CASK: variants seen among roughly 807,000 people sequenced by gnomAD.
The protein encoded by CASK is peripheral plasma membrane protein CASK.
Under a neutral mutation model 82.9 loss-of-function variants are expected in CASK, and 4 were observed. The ratio of observed to expected loss-of-function variants is 0.05; its 90% CI spans 0.02 to 0.11. The LOEUF (loss-of-function observed/expected upper bound fraction) is 0.11, where lower values mean the gene tolerates loss of function less well. Among genes scored for constraint, CASK ranks in the 10% least tolerant of loss-of-function variants. The pLI is 1.00. For synonymous variants in CASK, 259 were observed against 253.5 expected, an observed-to-expected ratio of 1.02 and a Z score of -0.20; for missense variants, 358 against 720.9, an observed-to-expected ratio of 0.50 and a Z score of 5.76.
At chrX:41,830,686 G>A (rs890648872) in intron 2 of CASK, among the ~76,000 whole-genome samples, 2 of 107,957 alleles carry the variant, frequency 1.9e-5, no homozygotes, top group East Asian at 2.9e-4. Flanking sequence ...CGGGCGTGGT[G>A]GCGGGTGCCT....
At chrX:41,725,360 G>C (rs1429649460) in intron 5 of CASK, among the ~76,000 whole-genome samples, 1 of 111,392 alleles carries the variant, frequency 9.0e-6, no homozygotes, top group African/African-American at 3.3e-5. Context: ...TCTGAAGGGG[G>C]TAGAGAGTAA....
chrX:41,646,833 C>T (rs1434374867), intron 8 of CASK, among the ~76,000 whole-genome samples: 1 of 111,452 alleles, frequency 9.0e-6, no homozygotes, highest in Non-Finnish European at 1.9e-5. Flanking sequence ...ATTTTGACTC[C>T]AGGAAAAGTG....
intron 11 of CASK, among the ~76,000 whole-genome samples, chrX:41,620,987 G>A (rs1017905934): frequency 9.0e-6 from 1 of 111,374 alleles, no homozygotes; most frequent in African/African-American, 3.3e-5. Flanking sequence ...ACATCTTCGA[G>A]CACAGATTTT....
chrX:41,569,480 G>A (rs1018234603), intron 16 of CASK, among the ~76,000 whole-genome samples, 188 bp downstream of exon 16: 1 of 111,299 alleles, frequency 9.0e-6, no homozygotes, highest in Admixed American at 9.6e-5. Context: ...TCTTAGCTGG[G>A]TGTGATGGCA....
At chrX:41,791,273 C>A (rs894279350) in intron 2 of CASK, among the ~76,000 whole-genome samples, 22 of 110,275 alleles carry the variant, frequency 2.0e-4, no homozygotes, top group African/African-American at 7.3e-4. Context: ...GTACACTGTA[C>A]CCAATGTGTA....
At chrX:41,563,527 A>G (rs1343433515) in intron 16 of CASK, among the ~76,000 whole-genome samples, 3 of 109,874 alleles carry the variant, frequency 2.7e-5, no homozygotes, top group Middle Eastern at 4.6e-3. Flanking sequence ...CCAAACCCAG[A>G]GTGGGTTTCT....
At chrX:41,631,418 C>A (rs1044290007) in intron 9 of CASK, among the ~76,000 whole-genome samples, 3 of 111,362 alleles carry the variant, frequency 2.7e-5, no homozygotes, top group Admixed American at 1.9e-4. Context: ...CAGAGTGAGA[C>A]CCTGTCTCAA....
intron 21 of CASK, among the ~76,000 whole-genome samples, chrX:41,547,892 G>C (rs1264156849): frequency 8.9e-6 from 1 of 112,177 alleles, no homozygotes; most frequent in Non-Finnish European, 1.9e-5. Flanking sequence ...CAAAGTGCTG[G>C]GATTACAGGC....
At chrX:41,533,055 C>T (rs918940816) in intron 24 of CASK, among the ~76,000 whole-genome samples, 1 of 111,787 alleles carries the variant, frequency 8.9e-6, no homozygotes, top group Non-Finnish European at 1.9e-5. Context: ...ATGTGATCCA[C>T]CCATCTCGGC....
chrX:41,810,792 T>C (rs2070259477), intron 2 of CASK, among the ~76,000 whole-genome samples: 1 of 111,728 alleles, frequency 9.0e-6, no homozygotes, highest in African/African-American at 3.3e-5. Context: ...ACTGGCAAAT[T>C]GGATAAAGAG....
At chrX:41,675,398 C>T (rs1178410051) in intron 5 of CASK, among the ~76,000 whole-genome samples, 1 of 112,250 alleles carries the variant, frequency 8.9e-6, no homozygotes, top group Non-Finnish European at 1.9e-5. Flanking sequence ...TTTTATTCCC[C>T]ACCAGGACAA....
intron 9 of CASK, among the ~76,000 whole-genome samples, chrX:41,633,043 A>C (rs1466877488): frequency 7.3e-5 from 7 of 96,001 alleles, no homozygotes; most frequent in African/African-American, 2.5e-4. Flanking sequence ...GACTCTCTCA[A>C]AAAAAAAAAA....
chrX:41,915,218 T>C (rs943972665), intron 1 of CASK, among the ~76,000 whole-genome samples: 1 of 110,944 alleles, frequency 9.0e-6, no homozygotes, highest in Non-Finnish European at 1.9e-5. Flanking sequence ...TCACTGCCAT[T>C]CCATACCTCT....
At chrX:41,874,917 A>G (rs1002456129) in intron 1 of CASK, among the ~76,000 whole-genome samples, 4 of 112,752 alleles carry the variant, frequency 3.5e-5, no homozygotes, top group African/African-American at 1.3e-4. Context: ...TAGCTCTGCA[A>G]TAATGTTGCT....
chrX:41,612,681 C>T (rs1385432062), intron 11 of CASK, among the ~76,000 whole-genome samples: 5 of 93,027 alleles, frequency 5.4e-5, no homozygotes, highest in Non-Finnish European at 6.5e-5. Flanking sequence ...GCCCGGCCAG[C>T]CGCCCCGTCC....
chrX:41,897,247 A>G (rs1258735893), intron 1 of CASK, among the ~76,000 whole-genome samples: 2 of 111,805 alleles, frequency 1.8e-5, no homozygotes, highest in African/African-American at 6.5e-5. Context: ...TGGGCCTGTC[A>G]TATACAGCCT....
intron 6 of CASK, among the ~76,000 whole-genome samples, chrX:41,669,380 C>T: frequency 9.0e-6 from 1 of 110,995 alleles, no homozygotes; most frequent in East Asian, 2.8e-4. Flanking sequence ...TTTTCCCCCC[C>T]AGTCAAGATG....
At chrX:41,531,261 C>T (rs372611767) in intron 24 of CASK, 52 bp from the exon 25 acceptor site, 57 of 939,527 alleles carry the variant, frequency 6.1e-5, no homozygotes, top group Non-Finnish European at 8.8e-5. Flanking sequence ...GATGAGCTTA[C>T]TACACTCCCA....
At chrX:41,675,619 T>C (rs1175069560) in intron 5 of CASK, 6 of 552,024 alleles carry the variant, frequency 1.1e-5, no homozygotes, top group African/African-American at 9.2e-5. Flanking sequence ...GAAAACCACA[T>C]GGGAAACATA....
Sources: gnomAD v4.1 joint callset for allele counts (sites outside exome capture counted in the v4.1 genomes callset) on GRCh38, gnomAD v4.1.1 for gene constraint, MANE v1.5 for transcripts, NCBI Gene and HGNC (gene_info 2026-07-23, HGNC 2026-07-21) for gene names.